The following ANO3 variants were observed in gnomAD, a reference collection of about 807,000 sequenced individuals.
The protein encoded by ANO3 is anoctamin 3, also known as anoctamin-3.
Under a neutral mutation model 144.8 loss-of-function variants are expected in ANO3, and 99 were observed. That is an observed-to-expected ratio of 0.68 (90% confidence interval 0.58 to 0.81). The LOEUF (loss-of-function observed/expected upper bound fraction) is 0.81. Ranked by LOEUF, ANO3 falls within the 30% of genes least tolerant of loss-of-function variation. The pLI, the probability that ANO3 is intolerant of heterozygous loss-of-function variation, is 0.00. For missense variants in ANO3, 905 were observed against 1,202.2 expected (o/e 0.75, Z 3.66); for synonymous variants, 414 against 392.6 (o/e 1.05, Z -0.64).
intron 4 of ANO3, among the ~76,000 whole-genome samples, chr11:26,504,456 A>T (rs989801904): frequency 6.6e-6 from 1 of 152,224 alleles, no homozygotes; most frequent in Non-Finnish European, 1.5e-5. Flanking sequence ...AAGTTAAAAA[A>T]TTTCTTACCT....
intron 4 of ANO3, among the ~76,000 whole-genome samples, chr11:26,497,473 A>C (rs55958924): frequency 0.075 from 11,349 of 152,136 alleles, 596 homozygotes; most frequent in Admixed American, 0.13. Context: ...AACCACAATG[A>C]GATACTATCT....
intron 3 of ANO3, 74 bp from the exon 4 acceptor site, chr11:26,462,956 G>T: frequency 1.5e-6 from 1 of 662,202 alleles, no homozygotes; most frequent in Non-Finnish European, 2.5e-6. Flanking sequence ...CATGAAAGAG[G>T]AGAGATTAGT....
At chr11:26,650,468 C>T (rs1853496095) in intron 24 of ANO3, among the ~76,000 whole-genome samples, 2 of 151,948 alleles carry the variant, frequency 1.3e-5, no homozygotes, top group Non-Finnish European at 2.9e-5. Context: ...GATTTTTATA[C>T]TGAAATTAAG....
intron 1 of ANO3, among the ~76,000 whole-genome samples, chr11:26,414,853 G>GT (rs1418706898): frequency 6.6e-6 from 1 of 151,374 alleles, no homozygotes; most frequent in African/African-American, 2.4e-5. Flanking sequence ...GATAAGAAGT[G>GT]TTTTTTATCA....
At chr11:26,220,144 G>T (rs1209486921) in intron 1 of ANO3, among the ~76,000 whole-genome samples, 1 of 152,184 alleles carries the variant, frequency 6.6e-6, no homozygotes, top group East Asian at 1.9e-4. Flanking sequence ...CCTCCACTTA[G>T]CTGAGCTATT....
chr11:26,516,769 G>A (rs1261573214), intron 5 of ANO3, 58 bp from the exon 6 acceptor site: 1 of 1,200,322 alleles, frequency 8.3e-7, no homozygotes, highest in African/African-American at 1.5e-5. Context: ...TCAAACTGTG[G>A]CATGATATCA....
chr11:26,647,686 A>G (rs369564243), intron 23 of ANO3, 23 bp from the exon 24 acceptor site: 93 of 1,578,646 alleles, frequency 5.9e-5, no homozygotes, highest in Non-Finnish European at 7.3e-5. Context: ...TTTGTTCACC[A>G]TGATTAATCT....
Position 26,534,605 on chromosome 11 carries a change from A to G in ANO3, c.976+43A>G, listed in dbSNP as rs931944748. On this transcript the variant is annotated intron_variant, in intron 9 of 26. Coordinates refer to ENST00000256737, the MANE Select transcript of ANO3 (RefSeq NM_031418.4). ...TAACAGAGTAGAACTTGCTGTTACT[A>G]TTTATACCCAGAATTATTGTTTTTT... is the stretch of plus-strand genomic sequence containing the variant. The G allele has an allele frequency of 8.9e-6, 12 of 1,346,586 alleles. No homozygotes were observed. The Admixed American group carries it at 1.8e-4, about 20-fold the overall frequency. 83.4% of individuals were successfully genotyped at this position (1,346,586 alleles called of 1,614,324 possible).
At chr11:26,467,544 G>A (rs1859642095) in intron 4 of ANO3, among the ~76,000 whole-genome samples, 1 of 151,860 alleles carries the variant, frequency 6.6e-6, no homozygotes, top group Non-Finnish European at 1.5e-5. Flanking sequence ...CTGTCTTTCT[G>A]TGCCTGACTG....
At chr11:26,315,616 T>A (rs1449894360) in intron 1 of ANO3, among the ~76,000 whole-genome samples, 10 of 152,178 alleles carry the variant, frequency 6.6e-5, no homozygotes, top group African/African-American at 2.4e-4. Flanking sequence ...ATTCTCTTTT[T>A]TTTTTCAAGA....
intron 1 of ANO3, among the ~76,000 whole-genome samples, chr11:26,298,420 C>T (rs763709409): frequency 2.0e-4 from 31 of 152,238 alleles, no homozygotes; most frequent in Non-Finnish European, 4.1e-4. Flanking sequence ...CAACAGAAGT[C>T]CCTACACATG....
chr11:26,342,322 T>C (rs1320575801), intron 1 of ANO3, among the ~76,000 whole-genome samples: 4 of 152,202 alleles, frequency 2.6e-5, no homozygotes, highest in Non-Finnish European at 5.9e-5. Flanking sequence ...AACAAAAATG[T>C]AATGATATTA....
chr11:26,292,293 T>C (rs927779359), intron 1 of ANO3, among the ~76,000 whole-genome samples: 3 of 152,150 alleles, frequency 2.0e-5, no homozygotes, highest in Admixed American at 1.3e-4. Context: ...TGCTGTTTAT[T>C]CTAGTTAGCC....
chr11:26,604,227 C>G (rs529974884), intron 17 of ANO3, among the ~76,000 whole-genome samples: 2 of 152,046 alleles, frequency 1.3e-5, no homozygotes, highest in East Asian at 3.9e-4. Flanking sequence ...GTAGTAGATA[C>G]GTGGTGTTAT....
At chr11:26,503,808 A>G (rs1861295481) in intron 4 of ANO3, among the ~76,000 whole-genome samples, 1 of 152,168 alleles carries the variant, frequency 6.6e-6, no homozygotes, top group Admixed American at 6.5e-5. Flanking sequence ...AATCAGAGTA[A>G]TGGATAATAA....
intron 1 of ANO3, among the ~76,000 whole-genome samples, chr11:26,338,003 GTTCCC>G (rs1855237056): frequency 6.6e-6 from 1 of 151,948 alleles, no homozygotes. Context: ...CTGACTCAGA[GTTCCC>G]TGAGATTGAC....
chr11:26,266,421 C>A (rs1460801522), intron 1 of ANO3, among the ~76,000 whole-genome samples: 3 of 149,780 alleles, frequency 2.0e-5, no homozygotes, highest in Admixed American at 6.7e-5. Flanking sequence ...TTAATTCAAA[C>A]AACAAATGTA....
At chr11:26,451,418 A>C (rs1858931782) in intron 3 of ANO3, among the ~76,000 whole-genome samples, 1 of 152,184 alleles carries the variant, frequency 6.6e-6, no homozygotes, top group South Asian at 2.1e-4. Context: ...AAAAAACGGC[A>C]CACCAGGAGA....
intron 17 of ANO3, among the ~76,000 whole-genome samples, chr11:26,611,825 C>A (rs1852106812): frequency 6.6e-6 from 1 of 151,210 alleles, no homozygotes. Context: ...ATTGTTATAC[C>A]CTCTTGTTGA....
Sources: gnomAD v4.1 joint callset for allele counts (sites outside exome capture counted in the v4.1 genomes callset) on GRCh38, gnomAD v4.1.1 for gene constraint, MANE v1.5 for transcripts, NCBI Gene and HGNC (gene_info 2026-07-23, HGNC 2026-07-21) for gene names.